The following MAP3K7 variants were observed in gnomAD, a reference collection of about 807,000 sequenced individuals.
MAP3K7 encodes the protein TGF-beta activated kinase 1.
In MAP3K7, 21 loss-of-function variants were observed where a neutral mutation model predicts 84.8. That is an observed-to-expected ratio of 0.25 (90% CI 0.18 to 0.36). MAP3K7 has a LOEUF of 0.36. Ranked by LOEUF, MAP3K7 falls within the 10% of genes least tolerant of loss-of-function variation. MAP3K7 has a pLI of 1.00. For missense variants in MAP3K7, 503 were observed against 747.7 expected (o/e 0.67, Z 3.82); for synonymous variants, 241 against 247.7 (o/e 0.97, Z 0.25).
At chr6:90,543,186 C>A (rs944770215) in intron 12 of MAP3K7, among the ~76,000 whole-genome samples, 1 of 151,980 alleles carries the variant, frequency 6.6e-6, no homozygotes, top group East Asian at 1.9e-4. Context: ...GTAAAATGAT[C>A]TCTTTGTTAA....
intron 12 of MAP3K7, among the ~76,000 whole-genome samples, chr6:90,543,669 A>G (rs905644428): frequency 1.3e-5 from 2 of 152,090 alleles, no homozygotes; most frequent in African/African-American, 4.8e-5. Flanking sequence ...CATGCTGAAG[A>G]ATTCATCCAA....
At chr6:90,543,979 A>T (rs1775928227) in intron 12 of MAP3K7, among the ~76,000 whole-genome samples, 1 of 152,118 alleles carries the variant, frequency 6.6e-6, no homozygotes, top group Admixed American at 6.6e-5. Context: ...ATCAGAATTG[A>T]CCAACTATTT....
In MAP3K7 at chr6:90,547,997, T is replaced by C; in HGVS notation, c.1080+50A>G. 3.3e-6 allele frequency: 5 copies of C among 1,495,674 alleles called. No individual in the cohort carries two copies. The South Asian group carries it at 3.8e-5, about 11-fold the overall frequency. The allele number at this position is 1,495,674 out of a possible 1,614,324, so 92.7% of individuals were successfully genotyped here. A position where few individuals can be genotyped will look rare whatever the true frequency, so the allele number is the denominator to read the frequency against. On this transcript the variant is annotated intron_variant, in intron 10 of 16. Transcript: ENST00000369329. Reference sequence around the variant, plus strand: ...ATAATTAATTTCAGTTAGTATAATATTGTGACTACTGGTAAGGTTACCAGT... The same window carrying C: ...ATAATTAATTTCAGTTAGTATAATACTGTGACTACTGGTAAGGTTACCAGT...
At chr6:90,549,036 G>A (rs1031170526) in intron 9 of MAP3K7, among the ~76,000 whole-genome samples, 2 of 152,112 alleles carry the variant, frequency 1.3e-5, no homozygotes, top group South Asian at 2.1e-4. Context: ...TACAGACTAC[G>A]TATGTTTTAG....
chr6:90,532,721 C>A (rs1276363828), intron 13 of MAP3K7, among the ~76,000 whole-genome samples: 1 of 152,108 alleles, frequency 6.6e-6, no homozygotes, highest in African/African-American at 2.4e-5. Flanking sequence ...GAATGGCTCA[C>A]CCAGGTGTAT....
At chr6:90,566,630 A>G (rs994241561) in intron 3 of MAP3K7, among the ~76,000 whole-genome samples, 1 of 152,214 alleles carries the variant, frequency 6.6e-6, no homozygotes, top group African/African-American at 2.4e-5. Context: ...GAAAATGGTC[A>G]TACTGCCCAA....
intron 1 of MAP3K7, among the ~76,000 whole-genome samples, chr6:90,575,438 C>A (rs1270705353): frequency 2.6e-5 from 4 of 152,158 alleles, no homozygotes; most frequent in African/African-American, 9.7e-5. Flanking sequence ...ATCCTCACAG[C>A]ATGTGCTCTG....
chr6:90,536,431 T>C lies in MAP3K7; in HGVS notation c.1292-30A>G, dbSNP rs761842335. ...AAAAAGAAGAAAAAAAGTAAAATAC[T>C]AAAATCTAGTCAAACAGACAAAAAG... On this transcript the variant is annotated intron_variant, in intron 12 of 16. Transcript: ENST00000369329. The C allele has an allele frequency of 9.0e-6, 14 of 1,550,524 alleles. No homozygotes were observed. In the Admixed American group the frequency reaches 1.2e-4, roughly 13 times the overall value.
intron 13 of MAP3K7, among the ~76,000 whole-genome samples, chr6:90,527,356 G>C (rs1320212925): frequency 1.3e-5 from 2 of 151,662 alleles, no homozygotes; most frequent in Admixed American, 6.6e-5. Flanking sequence ...TTGACCTCCT[G>C]GGCTCAAGTA....
At chr6:90,586,620 C>G (rs892278482) in intron 1 of MAP3K7, 144 bp downstream of exon 1, 19 of 1,095,738 alleles carry the variant, frequency 1.7e-5, no homozygotes, top group African/African-American at 6.5e-5. Context: ...TCCCACGTTA[C>G]TGAGGGCTGT....
intron 12 of MAP3K7, 193 bp from the exon 13 acceptor site, chr6:90,536,594 G>A (rs1043139581): frequency 1.8e-6 from 1 of 549,620 alleles, no homozygotes; most frequent in African/African-American, 1.9e-5. Flanking sequence ...AAGAGAAACA[G>A]CTGCGGTGTT....
chr6:90,564,994 T>C (rs1776654694), intron 3 of MAP3K7, among the ~76,000 whole-genome samples: 1 of 152,214 alleles, frequency 6.6e-6, no homozygotes, highest in African/African-American at 2.4e-5. Flanking sequence ...GAAATAAAGA[T>C]GTTCTTTGAA....
intron 13 of MAP3K7, among the ~76,000 whole-genome samples, chr6:90,535,661 G>T (rs1775648143): frequency 1.3e-5 from 2 of 151,972 alleles, no homozygotes. Context: ...ATACCTGGTG[G>T]GTTAAAACTC....
At chr6:90,541,309 T>C (rs1775849445) in intron 12 of MAP3K7, among the ~76,000 whole-genome samples, 1 of 151,988 alleles carries the variant, frequency 6.6e-6, no homozygotes, top group African/African-American at 2.4e-5. Flanking sequence ...AGCAAATGCA[T>C]TAGAAAACTG....
At chr6:90,567,258 T>C (rs1241427921) in intron 3 of MAP3K7, among the ~76,000 whole-genome samples, 5 of 152,050 alleles carry the variant, frequency 3.3e-5, no homozygotes, top group South Asian at 2.1e-4. Flanking sequence ...AAAGAAACTA[T>C]CATCAGAGTG....
intron 14 of MAP3K7, among the ~76,000 whole-genome samples, chr6:90,520,507 G>A (rs1775114788): frequency 6.6e-6 from 1 of 151,614 alleles, no homozygotes; most frequent in Admixed American, 6.6e-5. Context: ...TGCAAATCCT[G>A]GCGTATATTA....
chr6:90,536,935 A>G (rs1333067965), intron 12 of MAP3K7: 1 of 152,316 alleles, frequency 6.6e-6, no homozygotes, highest in Non-Finnish European at 1.5e-5. Flanking sequence ...GAATCTAGTA[A>G]TTTATTATTT....
At chr6:90,537,105 C>A (rs185626416) in intron 12 of MAP3K7, 6 of 152,028 alleles carry the variant, frequency 3.9e-5, no homozygotes, top group African/African-American at 1.4e-4. Flanking sequence ...GAATTCTACA[C>A]ATATAAGTCC....
intron 6 of MAP3K7, among the ~76,000 whole-genome samples, chr6:90,555,396 C>A (rs180978323): frequency 2.6e-4 from 40 of 152,124 alleles, no homozygotes; most frequent in African/African-American, 8.0e-4. Flanking sequence ...GCTGGGACTA[C>A]GGGCGCCCGC....
Sources: allele counts gnomAD v4.1 joint callset (sites outside exome capture counted in the v4.1 genomes callset), GRCh38; gene constraint gnomAD v4.1.1; transcripts MANE v1.5; gene names NCBI Gene and HGNC (gene_info 2026-07-23, HGNC 2026-07-21).